Variants in SDCCAG8 observed in about 807,000 individuals in gnomAD.
The protein encoded by SDCCAG8 is SHH signaling and ciliogenesis regulator SDCCAG8.
SDCCAG8 carries 74 observed loss-of-function variants against 101.8 expected under a neutral mutation model. The observed-to-expected ratio is 0.73, with a 90% CI of 0.60 to 0.88. SDCCAG8 has a LOEUF of 0.88. Ranked by LOEUF, SDCCAG8 falls within the 40% of genes least tolerant of loss-of-function variation. SDCCAG8 has a pLI of 0.00. For missense variants in SDCCAG8, 787 were observed against 822.6 expected, an observed-to-expected ratio of 0.96 and a Z score of 0.53; for synonymous variants, 281 against 292.9, an observed-to-expected ratio of 0.96 and a Z score of 0.41.
intron 13 of SDCCAG8, 57 bp downstream of exon 13, chr1:243,378,920 C>T (rs2077767544): frequency 1.9e-6 from 3 of 1,605,310 alleles, no homozygotes; most frequent in African/African-American, 2.7e-5. Flanking sequence ...TGATTTTTGC[C>T]ACAGGCTTCC....
chr1:243,392,955 A>G (rs535118951), intron 13 of SDCCAG8, among the ~76,000 whole-genome samples: 1 of 152,342 alleles, frequency 6.6e-6, no homozygotes, highest in East Asian at 1.9e-4. Context: ...GGGCAGAAAC[A>G]GAGTGTAGAT....
At chr1:243,305,659 ATAG>A (rs1174864081) in intron 7 of SDCCAG8, 1 of 152,236 alleles carries the variant, frequency 6.6e-6, no homozygotes, top group Non-Finnish European at 1.5e-5. Context: ...TTATTTTTAA[ATAG>A]TAGTAATGAA....
Sources: gnomAD v4.1 joint callset for allele counts (sites outside exome capture counted in the v4.1 genomes callset) on GRCh38, gnomAD v4.1.1 for gene constraint, MANE v1.5 for transcripts, NCBI Gene and HGNC (gene_info 2026-07-23, HGNC 2026-07-21) for gene names.